Variants in PHF20 observed in about 807,000 individuals in gnomAD.
PHF20 encodes the protein PHD finger protein 20, also known as glioma-expressed antigen 2.
PHF20 carries 23 observed loss-of-function variants against 113.5 expected under a neutral mutation model. The ratio of observed to expected loss-of-function variants is 0.20; its 90% CI spans 0.15 to 0.29. The LOEUF is 0.29. PHF20 is among the 10% of genes least tolerant of loss of function. The pLI is 1.00. For synonymous variants in PHF20, 434 were observed against 457.3 expected (o/e 0.95, Z 0.65); for missense variants, 943 against 1,219.6 (o/e 0.77, Z 3.38).
At chr20:35,810,936 T>C (rs1204715456) in intron 2 of PHF20, among the ~76,000 whole-genome samples, 1 of 152,192 alleles carries the variant, frequency 6.6e-6, no homozygotes, top group Non-Finnish European at 1.5e-5. Flanking sequence ...GTAGATAGTA[T>C]TGCTGCAAGG....
At chr20:35,780,470 T>C (rs1236732826) in intron 1 of PHF20, among the ~76,000 whole-genome samples, 1 of 150,990 alleles carries the variant, frequency 6.6e-6, no homozygotes, top group Non-Finnish European at 1.5e-5. Context: ...TCATAATCCA[T>C]CCGCCTCGGC....
At chr20:35,921,619 G>A (rs1459849619) in intron 13 of PHF20, among the ~76,000 whole-genome samples, 1 of 152,068 alleles carries the variant, frequency 6.6e-6, no homozygotes, top group Non-Finnish European at 1.5e-5. Flanking sequence ...GGGAGTTCAA[G>A]GCTGCAGCGA....
chr20:35,786,108 G>A (rs2041407106), intron 1 of PHF20, among the ~76,000 whole-genome samples: 1 of 151,686 alleles, frequency 6.6e-6, no homozygotes, highest in African/African-American at 2.4e-5. Flanking sequence ...AGACTTCCCA[G>A]CTGGGCGTGG....
chr20:35,836,609 C>A, intron 2 of PHF20, among the ~76,000 whole-genome samples: 1 of 152,082 alleles, frequency 6.6e-6, no homozygotes, highest in East Asian at 1.9e-4. Flanking sequence ...CTTTGGGAGG[C>A]CGAGGCGGGC....
At chr20:35,831,143 TCCTC>T (rs201679126) in intron 2 of PHF20, among the ~76,000 whole-genome samples, 1 of 135,354 alleles carries the variant, frequency 7.4e-6, no homozygotes, top group Non-Finnish European at 1.6e-5. Context: ...CTCCCTCTCT[TCCTC>T]CCTCCCTCCC....
At chr20:35,942,403 A>G (rs973920028) in intron 17 of PHF20, among the ~76,000 whole-genome samples, 1 of 152,238 alleles carries the variant, frequency 6.6e-6, no homozygotes. Flanking sequence ...GTGGCTCTGT[A>G]GTCCCTGAAA....
chr20:35,787,469 G>A (rs375340511), intron 1 of PHF20, among the ~76,000 whole-genome samples: 59 of 151,066 alleles, frequency 3.9e-4, no homozygotes, highest in South Asian at 2.5e-3. Context: ...GTGAGCCACC[G>A]CGCCCAGCCT....
At chr20:35,781,410 T>G (rs1479421569) in intron 1 of PHF20, among the ~76,000 whole-genome samples, 1 of 152,148 alleles carries the variant, frequency 6.6e-6, no homozygotes, top group South Asian at 2.1e-4. Context: ...CGTGAGCCAC[T>G]GTGCCTGGCC....
chr20:35,772,681 CT>C (rs2041087263), intron 1 of PHF20, among the ~76,000 whole-genome samples: 1 of 151,952 alleles, frequency 6.6e-6, no homozygotes, highest in South Asian at 2.1e-4. Flanking sequence ...AGGGCGTACC[CT>C]CTTCCGTCAG....
rs537057327 is a variant in PHF20 at position 35,779,796 on chromosome 20, C to T, written c.-33+7717C>T. On this transcript the variant is annotated intron_variant, in intron 1 of 17. Coordinates refer to ENST00000374012, the MANE Select transcript of PHF20 (RefSeq NM_016436.5). ...TCGGCCTCCCAAACTGCTGGGATTA[C>T]AGGCGTGAGCCACTGTGCCCGGCCA... Among the ~76,000 whole-genome samples the T allele has an allele frequency of 9.1e-4, 138 of 152,302 alleles. 2 individuals are homozygous for T. The highest frequency in any genetic ancestry group is 3.3e-3 in the African/African-American group (137 of 41,578).
intron 9 of PHF20, among the ~76,000 whole-genome samples, chr20:35,884,235 T>G (rs1288246227): frequency 1.3e-5 from 2 of 152,218 alleles, no homozygotes; most frequent in African/African-American, 4.8e-5. Context: ...GAAGCTGGGA[T>G]GCTGCGTTAG....
chr20:35,869,358 A>G (rs2054375925), intron 6 of PHF20, 80 bp from the exon 7 acceptor site: 1 of 671,456 alleles, frequency 1.5e-6, no homozygotes, highest in South Asian at 2.0e-5. Context: ...ATATATGTAT[A>G]TATGTTTTAT....
chr20:35,897,931 G>A (rs1439385708), intron 9 of PHF20, among the ~76,000 whole-genome samples: 3 of 149,486 alleles, frequency 2.0e-5, no homozygotes, highest in Non-Finnish European at 3.0e-5. Flanking sequence ...GCTGTAGTGC[G>A]GTGGTGTGAT....
At chr20:35,927,975 C>A (rs1178910422) in intron 14 of PHF20, 96 bp downstream of exon 14, 7 of 872,762 alleles carry the variant, frequency 8.0e-6, no homozygotes, top group Admixed American at 3.5e-5. Flanking sequence ...TCTTGAGACT[C>A]ATTTCTTCAG....
chr20:35,885,467 CTTTTTTTTTTTTTTTTTTTTTT>C (rs577878410), intron 9 of PHF20, among the ~76,000 whole-genome samples: 1 of 35,738 alleles, frequency 2.8e-5, no homozygotes, highest in African/African-American at 1.1e-4. Flanking sequence ...GGGGAATAAG[CTTTTTTTTTTTTTTTTTTTTTT>C]TTTTTTTTTT....
chr20:35,837,943 T>G (rs763185786), intron 2 of PHF20, among the ~76,000 whole-genome samples: 19 of 152,208 alleles, frequency 1.2e-4, no homozygotes, highest in Non-Finnish European at 2.4e-4. Context: ...TTTAGGGAAG[T>G]GGGGAGGACC....
intron 4 of PHF20, among the ~76,000 whole-genome samples, chr20:35,857,562 C>CTTTTTTT (rs56655276): frequency 7.0e-5 from 7 of 99,676 alleles, no homozygotes; most frequent in Admixed American, 1.5e-4. Context: ...AATGATGTTC[C>CTTTTTTT]TTTTTTTTTT....
At chr20:35,849,275 AT>A in intron 4 of PHF20, 1 of 360,548 alleles carries the variant, frequency 2.8e-6, no homozygotes, top group Non-Finnish European at 5.6e-6. Flanking sequence ...AGAGATGAAG[AT>A]AATTAATGCC....
intron 10 of PHF20, among the ~76,000 whole-genome samples, chr20:35,908,898 GCTGTAA>G (rs1461679472): frequency 1.1e-4 from 16 of 152,224 alleles, no homozygotes; most frequent in Non-Finnish European, 2.1e-4. Flanking sequence ...TTGTAACCTT[GCTGTAA>G]GTGCTGTTCT....
Sources: gnomAD v4.1 joint callset for allele counts (sites outside exome capture counted in the v4.1 genomes callset) on GRCh38, gnomAD v4.1.1 for gene constraint, MANE v1.5 for transcripts, NCBI Gene and HGNC (gene_info 2026-07-23, HGNC 2026-07-21) for gene names.